The following CCDC88C variants were observed in gnomAD, a reference collection of about 807,000 sequenced individuals.
CCDC88C encodes the protein coiled-coil and HOOK domain protein 88C, also known as protein Daple.
Under a neutral mutation model 198.8 loss-of-function variants are expected in CCDC88C, and 131 were observed. The observed-to-expected ratio is 0.66, with a 90% CI of 0.57 to 0.76. The LOEUF is 0.76. Among genes scored for constraint, CCDC88C ranks in the 30% least tolerant of loss-of-function variants. The pLI is 0.00. For synonymous variants in CCDC88C, 1,166 were observed against 1,114.7 expected (o/e 1.05, Z -0.92); for missense variants, 2,553 against 2,631.6 (o/e 0.97, Z 0.65).
chr14:91,380,050 C>T (rs906577217), intron 3 of CCDC88C, among the ~76,000 whole-genome samples: 4 of 152,162 alleles, frequency 2.6e-5, no homozygotes, highest in Admixed American at 2.0e-4. Flanking sequence ...GGGGTGTCTC[C>T]CTTGCCAGCT....
chr14:91,343,730 GA>G, intron 4 of CCDC88C, 73 bp from the exon 5 acceptor site: 2 of 1,566,858 alleles, frequency 1.3e-6, no homozygotes. Flanking sequence ...TTACCGTAGG[GA>G]AAAAACAGAT....
chr14:91,394,800 G>GACAGGCAC (rs1263039547), intron 3 of CCDC88C, among the ~76,000 whole-genome samples: 6 of 152,210 alleles, frequency 3.9e-5, no homozygotes, highest in East Asian at 3.8e-4. Context: ...CAGGGCTAGA[G>GACAGGCAC]ACAGGCACAC....
intron 3 of CCDC88C, among the ~76,000 whole-genome samples, 169 bp from the exon 4 acceptor site, chr14:91,359,880 G>A (rs1030524667): frequency 6.6e-6 from 1 of 152,166 alleles, no homozygotes; most frequent in East Asian, 1.9e-4. Flanking sequence ...AAACAAACAC[G>A]AAAGCCAAAG....
In CCDC88C at chr14:91,283,423, G is replaced by C. The variant is rs1305072152; in HGVS notation, c.4536C>G (p.Pro1512=). The C allele has an allele frequency of 1.2e-6, 2 of 1,613,606 alleles. No individual in the cohort carries two copies. Among genetic ancestry groups the C allele is most frequent in the Non-Finnish European group, 1.7e-6 (2 of 1,179,830 alleles). The change falls in exon 26 of 30, where the codon CCC becomes CCG. Residue 1512 remains proline (P), a synonymous_variant. Transcript: ENST00000389857. The part of the protein sequence containing the change: ...ASTDLAMRSW[P]SELGSRTCST... Reference sequence around the variant, plus strand: ...AGCAAGTCCGGGAGCCCAGCTCCGAGGGCCAGGACCTCATGGCCAGATCGG... The same window carrying C: ...AGCAAGTCCGGGAGCCCAGCTCCGACGGCCAGGACCTCATGGCCAGATCGG...
chr14:91,345,188 A>ATTTTT (rs1322674925), intron 4 of CCDC88C, among the ~76,000 whole-genome samples: 82 of 64,066 alleles, frequency 1.3e-3, no homozygotes, highest in Middle Eastern at 0.01. Context: ...ATATATATAT[A>ATTTTT]TATTTTTTTT....
At chr14:91,359,182 T>TTTG (rs1442249335) in intron 4 of CCDC88C, among the ~76,000 whole-genome samples, 1 of 148,698 alleles carries the variant, frequency 6.7e-6, no homozygotes, top group Non-Finnish European at 1.5e-5. Flanking sequence ...TTTTTTTTTT[T>TTTG]GAGACACAGT....
At chr14:91,332,553 G>A (rs1046985636) in intron 10 of CCDC88C, among the ~76,000 whole-genome samples, 3 of 152,176 alleles carry the variant, frequency 2.0e-5, no homozygotes, top group African/African-American at 7.2e-5. Context: ...GGCAGGATGC[G>A]CTCTCCCTTC....
intron 10 of CCDC88C, 78 bp from the exon 11 acceptor site, chr14:91,326,134 T>C: frequency 7.4e-7 from 1 of 1,351,334 alleles, no homozygotes; most frequent in East Asian, 2.4e-5. Flanking sequence ...AAACCAAAAC[T>C]CTTTCAGGCA....
intron 3 of CCDC88C, chr14:91,379,851 C>G (rs1002910722): frequency 1.4e-6 from 1 of 702,988 alleles, no homozygotes; most frequent in Non-Finnish European, 2.6e-6. Flanking sequence ...TGTGTCTGCC[C>G]GCAAGAAGTT....
At position 91,305,783 on chromosome 14, in the gene CCDC88C, G is replaced by C. The variant is rs749029323; in HGVS notation, c.3339C>G (p.Thr1113=). ...FLQEHNTTLQ[T]QTAKLQVENS... The stretch of plus-strand genomic sequence containing the variant: ...CGCTCACCTGCAGCTTGGCGGTCTG[G>C]GTCTGCAGTGTGGTGTTGTGCTCCT... Residue 1113 remains threonine, a synonymous_variant, in exon 19 of 30, where the codon ACC becomes ACG. Transcript: ENST00000389857. The C allele has an allele frequency of 6.2e-7, 1 of 1,608,616 alleles. No homozygotes were observed. The highest frequency in any genetic ancestry group is 2.2e-5 in the East Asian group (1 of 44,706).
Position 91,313,649 on chromosome 14 carries a change from G to C in CCDC88C, c.2167C>G (p.Leu723Val), listed in dbSNP as rs374295075. ...TGGTTCTCCCTCTCCATCTGTGCCA[G>C]CTTGGTGCTGGTGAAGCGCATGGTC... ...VETMRFTSTK[L>V]AQMERENQQL... is the part of the protein sequence containing the mutation. Residue 723 changes from leucine (L) to valine (V), a missense_variant, in exon 15 of 30, where the codon CTG becomes GTG. Coordinates refer to ENST00000389857, the MANE Select transcript of CCDC88C (RefSeq NM_001080414.4). The surrounding 1 kb of genome is among the most constrained non-coding windows in gnomAD (Gnocchi z 5.2). 1 of 1,612,510 alleles carries C rather than the reference G, an allele frequency of 6.2e-7. No individual in the cohort carries two copies. The highest frequency in any genetic ancestry group is 1.1e-5 in the South Asian group (1 of 91,086).
intron 4 of CCDC88C, among the ~76,000 whole-genome samples, chr14:91,345,358 A>G (rs1208059354): frequency 1.3e-5 from 2 of 151,044 alleles, no homozygotes; most frequent in Admixed American, 6.6e-5. Flanking sequence ...ACGCTCTGCT[A>G]TTTTTGAATT....
In CCDC88C at chr14:91,283,328, C is replaced by G; in HGVS notation, c.4630+1G>C. On this transcript the variant is annotated splice_donor_variant, in intron 26 of 29. Transcript: ENST00000389857. LOFTEE classifies it high-confidence loss of function. Reference sequence around the variant, plus strand: ...TGGCTCTGGAAGGGCCTGTGACTCACCTTTGGTGCGGCCTGGGTGCCGGGC... The same window carrying G: ...TGGCTCTGGAAGGGCCTGTGACTCAGCTTTGGTGCGGCCTGGGTGCCGGGC... 5 of 1,612,752 alleles carry G rather than the reference C, an allele frequency of 3.1e-6. No individual in the cohort carries two copies. The highest frequency in any genetic ancestry group is 2.5e-6 in the Non-Finnish European group (3 of 1,179,678).
At chr14:91,298,772 G>A (rs900400774) in intron 21 of CCDC88C, among the ~76,000 whole-genome samples, 1 of 152,122 alleles carries the variant, frequency 6.6e-6, no homozygotes, top group Non-Finnish European at 1.5e-5. Flanking sequence ...TTATTTGCCT[G>A]GGGAGCCAAG....
chr14:91,415,681 T>C (rs1177754472), intron 2 of CCDC88C, among the ~76,000 whole-genome samples: 4 of 151,816 alleles, frequency 2.6e-5, no homozygotes, highest in South Asian at 2.1e-4. Flanking sequence ...GATCACGCCA[T>C]TGCACTCCAG....
rs777725454 is a variant in CCDC88C at position 91,408,649 on chromosome 14, C to A, written c.270+10G>T. 5.9e-6 allele frequency: 9 copies of A among 1,533,180 alleles called. No homozygotes were observed. The highest frequency in any genetic ancestry group is 1.7e-4 in the Middle Eastern group (1 of 5,894). 95.0% of individuals were successfully genotyped at this position (1,533,180 alleles called of 1,614,324 possible). A position where few individuals can be genotyped will look rare whatever the true frequency, so the allele number is the denominator to read the frequency against. On this transcript the variant is annotated intron_variant, in intron 3 of 29. Coordinates refer to ENST00000389857, the MANE Select transcript of CCDC88C (RefSeq NM_001080414.4). Reference sequence around the variant, plus strand: ...CACATCAGAATTCCCGACAGCAGAACTGCCCTTACCTGGTAGTAGGTCTTA... The same window carrying A: ...CACATCAGAATTCCCGACAGCAGAAATGCCCTTACCTGGTAGTAGGTCTTA...
chr14:91,303,760 G>T lies in CCDC88C; in HGVS notation c.3576C>A (p.His1192Gln). ...SAEYEALIRQ[H>Q]SCLKTLHRNL... is the part of the protein sequence containing the mutation. ...TCCGATGCAGTGTCTTTAGGCAGCT[G>T]TGCTGGCGGATGAGGGCCTCGTACT... Residue 1192 changes from histidine (H) to glutamine (Q), a missense_variant, in exon 20 of 30, where the codon CAC becomes CAA. His to Gln is a conservative substitution (Grantham distance 24, BLOSUM62 0). Around this residue, in one of 2 missense-constraint regions of CCDC88C, gnomAD observed 1,293 missense variants for 1,219.6 expected, o/e 1.06. Transcript: ENST00000389857. The T allele has an allele frequency of 6.2e-7, 1 of 1,613,026 alleles. No homozygotes were observed. Among genetic ancestry groups the T allele is most frequent in the South Asian group, 1.1e-5 (1 of 90,966 alleles).
intron 4 of CCDC88C, 24 bp downstream of exon 4, chr14:91,359,618 G>A (rs1367975466): frequency 6.3e-7 from 1 of 1,591,112 alleles, no homozygotes; most frequent in East Asian, 2.3e-5. Context: ...CACCACAGGG[G>A]AGAAGGGAGC....
rs989797232 is a variant in CCDC88C at position 91,338,546 on chromosome 14, C to T, written c.834G>A (p.Val278=). 36 of 1,570,216 alleles carry T rather than the reference C, an allele frequency of 2.3e-5. No homozygotes were observed. The highest frequency in any genetic ancestry group is 2.9e-5 in the Non-Finnish European group (34 of 1,158,024). The change falls in exon 9 of 30, where the codon GTG becomes GTA. Residue 278 remains valine (V), a synonymous_variant. Coordinates refer to ENST00000389857, the MANE Select transcript of CCDC88C (RefSeq NM_001080414.4). This position sits in a 1 kb window ranked among gnomAD's most constrained non-coding sequence, Gnocchi z 4.8. Reference sequence around the variant, plus strand: ...GCTGGTCCACCTCATGTCTGGTGTCCACAAGCTGCTCTGTCTTATCCTCCC... The same window carrying T: ...GCTGGTCCACCTCATGTCTGGTGTCTACAAGCTGCTCTGTCTTATCCTCCC... The part of the protein sequence containing the change: ...QELEDKTEQL[V]DTRHEVDQLV...
Sources: gnomAD v4.1 joint callset for allele counts (sites outside exome capture counted in the v4.1 genomes callset) on GRCh38, gnomAD v4.1.1 for gene constraint, gnomAD v4.1.1 regional missense constraint, Gnocchi (gnomAD v3.1) non-coding constraint, MANE v1.5 for transcripts, NCBI Gene and HGNC (gene_info 2026-07-23, HGNC 2026-07-21) for gene names.